SFXN2: variants seen among roughly 807,000 people sequenced by gnomAD.
SFXN2 encodes sideroflexin 2, also known as sideroflexin-2.
Under a neutral mutation model 41.9 loss-of-function variants are expected in SFXN2, and 37 were observed. That is an observed-to-expected ratio of 0.88 (90% CI 0.68 to 1.16). The LOEUF (loss-of-function observed/expected upper bound fraction) is 1.16. SFXN2 is among the 50% of genes most tolerant of loss of function. SFXN2 has a pLI of 0.00. For synonymous variants in SFXN2, 150 were observed against 156.7 expected, an observed-to-expected ratio of 0.96 and a Z score of 0.32; for missense variants, 386 against 425.2, an observed-to-expected ratio of 0.91 and a Z score of 0.81.
chr10:102,728,879 G>A (rs1183336627), intron 4 of SFXN2, among the ~76,000 whole-genome samples: 1 of 152,154 alleles, frequency 6.6e-6, no homozygotes, highest in African/African-American at 2.4e-5. Context: ...GCTGAGGCAG[G>A]CAGATTGCCT....
intron 1 of SFXN2, among the ~76,000 whole-genome samples, chr10:102,723,254 G>GT (rs1386226213): frequency 7.4e-6 from 1 of 135,198 alleles, no homozygotes; most frequent in African/African-American, 2.8e-5. Flanking sequence ...CGACTAGAAA[G>GT]TTTTGTTTTT....
At chr10:102,719,484 C>T (rs2064475157) in intron 1 of SFXN2, among the ~76,000 whole-genome samples, 1 of 152,054 alleles carries the variant, frequency 6.6e-6, no homozygotes, top group Non-Finnish European at 1.5e-5. Context: ...CCGCCTCGGC[C>T]TCCCAAAGTG....
intron 10 of SFXN2, 72 bp downstream of exon 10, chr10:102,733,675 C>A: frequency 7.7e-7 from 1 of 1,306,702 alleles, no homozygotes; most frequent in Non-Finnish European, 1.1e-6. Context: ...TTGTCTAGCC[C>A]GTGTTGGAGA....
intron 8 of SFXN2, among the ~76,000 whole-genome samples, chr10:102,732,453 T>A (rs2064717850): frequency 6.6e-6 from 1 of 152,248 alleles, no homozygotes; most frequent in Admixed American, 6.5e-5. Context: ...CAAGCCCTTG[T>A]GTTTAATGTT....
Position 102,734,700 on chromosome 10 carries a change from C to T in SFXN2, c.821+1097C>T, listed in dbSNP as rs1244327429. Among the ~76,000 whole-genome samples the T allele has an allele frequency of 6.6e-6, 1 of 152,052 alleles. No individual in the cohort carries two copies. Among genetic ancestry groups the T allele is most frequent in the East Asian group, 1.9e-4 (1 of 5,198 alleles). On this transcript the variant is annotated intron_variant, in intron 10 of 11. Transcript: ENST00000369893. This position sits in a 1 kb window ranked among gnomAD's most constrained non-coding sequence, Gnocchi z 4.1. ...GCACTGCAAAGTGGTCTGCAGTAGC[C>T]CTAAAAAGTAGGTTGTCCTCCCTCT...
chr10:102,732,933 T>C, intron 9 of SFXN2, 25 bp downstream of exon 9: 1 of 1,613,894 alleles, frequency 6.2e-7, no homozygotes. Context: ...CTTTGGCATT[T>C]TCCCTGCCCA....
rs1476634215 is a variant in SFXN2, at chr10:102,733,548, A to G, written c.772-6A>G. 6.2e-7 allele frequency: 1 copy of G among 1,612,562 alleles called. No homozygotes were observed. Among genetic ancestry groups the G allele is most frequent in the Admixed American group, 1.7e-5 (1 of 59,988 alleles). On this transcript the variant is annotated splice_polypyrimidine_tract_variant and splice_region_variant and intron_variant, in intron 9 of 11. Coordinates refer to ENST00000369893, the MANE Select transcript of SFXN2 (RefSeq NM_178858.6). ...GTGGATCTGTCTTTTATTTGTTTTT[A>G]TACAGAAAGTCAAGGTCCTGCACGC...
Position 102,729,205 on chromosome 10 carries a change from A to T in SFXN2, c.432-114A>T. 7 of 917,680 alleles carry T rather than the reference A, an allele frequency of 7.6e-6. No individual in the cohort carries two copies. The South Asian group carries it at 1.0e-4, about 14-fold the overall frequency. 56.8% of individuals were successfully genotyped at this position (917,680 alleles called of 1,614,324 possible). A position where few individuals can be genotyped will look rare whatever the true frequency, so the allele number is the denominator to read the frequency against. ...GGTCACAAGATAAGGCTGGGGACAG[A>T]TCCTGTGCGGTTTTCACGCACGAAG... On this transcript the variant is annotated intron_variant, in intron 4 of 11. Coordinates refer to ENST00000369893, the MANE Select transcript of SFXN2 (RefSeq NM_178858.6).
chr10:102,731,694 C>G, intron 6 of SFXN2, 29 bp from the exon 7 acceptor site: 1 of 1,605,706 alleles, frequency 6.2e-7, no homozygotes, highest in East Asian at 2.2e-5. Flanking sequence ...ACCCCTTTCC[C>G]AAGTCCATTA....
rs944978508 is a variant in SFXN2, at chr10:102,727,063, C to A, written c.238C>A (p.Pro80Thr). 1.9e-6 allele frequency: 3 copies of A among 1,610,762 alleles called. No homozygotes were observed. In the African/African-American group the frequency reaches 4.0e-5, roughly 22 times the overall value. ...AKKLYDSAFH[P>T]DTGEKMNVIG... ...GAAGCTGTATGACTCGGCCTTCCAC[C>A]CCGACACTGGGGAGAAGATGAATGT... The change falls in exon 3 of 12, where the codon CCC becomes ACC. Residue 80 changes from proline (P) to threonine (T), a missense_variant. By Grantham distance (38) the Pro-to-Thr change is conservative. Transcript: ENST00000369893.
intron 6 of SFXN2, 97 bp from the exon 7 acceptor site, chr10:102,731,615 TGGCTTCCTGGA>T: frequency 1.2e-6 from 1 of 831,862 alleles, no homozygotes; most frequent in South Asian, 1.5e-5. Flanking sequence ...CTACAGGAGG[TGGCTTCCTGGA>T]GCTTAAGTGG....
At chr10:102,717,817 T>C (rs1218739789) in intron 1 of SFXN2, 2 of 984,746 alleles carry the variant, frequency 2.0e-6, no homozygotes, top group African/African-American at 1.7e-5. Context: ...ATGTGAAACA[T>C]GTAGCAGTAA....
chr10:102,727,226 G>GATA, intron 3 of SFXN2, 69 bp downstream of exon 3: 1 of 1,460,532 alleles, frequency 6.8e-7, no homozygotes, highest in Non-Finnish European at 9.4e-7. Context: ...GCCATACTAT[G>GATA]ATAATAATAA....
At chr10:102,731,847 T>TAAGG in intron 7 of SFXN2, 64 bp downstream of exon 7, 1 of 1,458,770 alleles carries the variant, frequency 6.9e-7, no homozygotes, top group Non-Finnish European at 9.6e-7. Context: ...GTCCCCTCCT[T>TAAGG]AGTGGTCAGA....
At chr10:102,736,423 A>AT (rs35797507) in intron 11 of SFXN2, among the ~76,000 whole-genome samples, 31,493 of 124,722 alleles carry the variant, frequency 0.25, 4,583 homozygotes, top group African/African-American at 0.34. Flanking sequence ...TGCCCAGCTC[A>AT]TTTTTTTTTT....
At position 102,735,803 on chromosome 10, in the gene SFXN2, G is replaced by A. The variant is rs1025174637; in HGVS notation, c.822-59G>A. 52 of 1,573,040 alleles carry A rather than the reference G, an allele frequency of 3.3e-5. No individual in the cohort carries two copies. The South Asian group carries it at 4.5e-4, about 14-fold the overall frequency. ...CATTGCTCCTTTCCCTTGGGGATGGGGGATGGACGGGCCTGTGGGGAGATG... is the reference window on the plus strand; with the variant it reads ...CATTGCTCCTTTCCCTTGGGGATGGAGGATGGACGGGCCTGTGGGGAGATG... On this transcript the variant is annotated intron_variant, in intron 10 of 11. Coordinates refer to ENST00000369893, the MANE Select transcript of SFXN2 (RefSeq NM_178858.6).
At chr10:102,717,497 C>T (rs968136699) in intron 1 of SFXN2, among the ~76,000 whole-genome samples, 1 of 152,160 alleles carries the variant, frequency 6.6e-6, no homozygotes, top group Non-Finnish European at 1.5e-5. Context: ...TTTACTCCTA[C>T]TTTGTTCCTA....
chr10:102,741,149 G>A lies in SFXN2; in HGVS notation c.*3387G>A, dbSNP rs571501066. The A allele has an allele frequency of 1.6e-4, 24 of 152,370 alleles. No individual in the cohort carries two copies. Among genetic ancestry groups the A allele is most frequent in the Admixed American group, 5.2e-4 (8 of 15,304 alleles). The allele number at this position is 152,370 out of a possible 1,614,324, so 9.4% of individuals were successfully genotyped here. On this transcript the variant is annotated 3_prime_UTR_variant, in exon 12 of 12. Coordinates refer to ENST00000369893, the MANE Select transcript of SFXN2 (RefSeq NM_178858.6). Reference sequence around the variant, plus strand: ...TTACTAAAAGGCCTTGGTGTGGGAAGTGCTAATCCAGACTGTCCTATCCAA... The same window carrying A: ...TTACTAAAAGGCCTTGGTGTGGGAAATGCTAATCCAGACTGTCCTATCCAA...
intron 5 of SFXN2, 106 bp from the exon 6 acceptor site, chr10:102,729,614 TGGC>T (rs1342952824): frequency 3.2e-6 from 4 of 1,232,868 alleles, no homozygotes; most frequent in Non-Finnish European, 2.3e-6. Flanking sequence ...TCTGGATGTG[TGGC>T]GGTAGCAAGG....
Sources: gnomAD v4.1 joint callset for allele counts (sites outside exome capture counted in the v4.1 genomes callset) on GRCh38, gnomAD v4.1.1 for gene constraint, Gnocchi (gnomAD v3.1) non-coding constraint, MANE v1.5 for transcripts, NCBI Gene and HGNC (gene_info 2026-07-23, HGNC 2026-07-21) for gene names.